The following MAPRE2 variants were observed in gnomAD, a reference collection of about 807,000 sequenced individuals.
MAPRE2 encodes microtubule-associated protein RP/EB family member 2.
A neutral mutation model predicts 43.2 loss-of-function variants in MAPRE2; 13 were observed. The ratio of observed to expected loss-of-function variants is 0.30; its 90% CI spans 0.20 to 0.48. MAPRE2 has a LOEUF of 0.48. Among genes scored for constraint, MAPRE2 ranks in the 20% least tolerant of loss-of-function variants. The pLI, the probability that MAPRE2 is intolerant of heterozygous loss-of-function variation, is 0.99. For missense variants in MAPRE2, 161 were observed against 400.2 expected (o/e 0.40, Z 5.10); for synonymous variants, 135 against 148.8 (o/e 0.91, Z 0.68).
chr18:35,076,140 C>T (rs543639), intron 2 of MAPRE2, among the ~76,000 whole-genome samples: 40,611 of 152,082 alleles, frequency 0.27, 6,818 homozygotes, highest in East Asian at 0.52. Context: ...GCCACATCTT[C>T]GTTTATGTCC....
At chr18:35,090,454 G>T (rs565610826) in intron 2 of MAPRE2, among the ~76,000 whole-genome samples, 1 of 152,096 alleles carries the variant, frequency 6.6e-6, no homozygotes, top group Non-Finnish European at 1.5e-5. Flanking sequence ...ACTCAGGGCC[G>T]GGCATGGTGG....
intron 2 of MAPRE2, among the ~76,000 whole-genome samples, chr18:35,093,684 A>T (rs889704520): frequency 6.6e-6 from 1 of 152,254 alleles, no homozygotes; most frequent in East Asian, 1.9e-4. Flanking sequence ...CAAATACTGC[A>T]TGATCTTCCT....
chr18:35,133,250 T>G (rs924607990), intron 6 of MAPRE2, among the ~76,000 whole-genome samples: 1 of 152,182 alleles, frequency 6.6e-6, no homozygotes, highest in Non-Finnish European at 1.5e-5. Context: ...TGGAAGCTCT[T>G]TATCACTTTT....
intron 2 of MAPRE2, among the ~76,000 whole-genome samples, chr18:35,089,608 C>T (rs886665872): frequency 2.0e-5 from 3 of 152,152 alleles, no homozygotes; most frequent in African/African-American, 7.2e-5. Context: ...AGTGACATAC[C>T]ACTTCACATC....
intron 2 of MAPRE2, among the ~76,000 whole-genome samples, chr18:35,032,495 T>A (rs772517686): frequency 6.6e-6 from 1 of 152,156 alleles, no homozygotes; most frequent in Non-Finnish European, 1.5e-5. Context: ...ATGAACCATA[T>A]GTGTTGGAGA....
chr18:35,113,491 A>G (rs1044639722), intron 4 of MAPRE2, among the ~76,000 whole-genome samples: 33 of 152,218 alleles, frequency 2.2e-4, no homozygotes, highest in African/African-American at 7.7e-4. Context: ...AGTGTTTTAA[A>G]GCTTAGAGAT....
At chr18:35,026,217 T>C (rs2097045091) in intron 2 of MAPRE2, among the ~76,000 whole-genome samples, 1 of 152,152 alleles carries the variant, frequency 6.6e-6, no homozygotes, top group Non-Finnish European at 1.5e-5. Flanking sequence ...ACAGGTATGA[T>C]GTCTGAATCA....
chr18:35,077,319 G>A (rs1907418875), intron 2 of MAPRE2, among the ~76,000 whole-genome samples: 1 of 151,930 alleles, frequency 6.6e-6, no homozygotes, highest in Non-Finnish European at 1.5e-5. Context: ...CCATTAGTGG[G>A]AATCTCATAT....
At chr18:35,071,372 C>A (rs575775545) in intron 2 of MAPRE2, among the ~76,000 whole-genome samples, 41 of 152,186 alleles carry the variant, frequency 2.7e-4, no homozygotes, top group Non-Finnish European at 5.3e-4. Context: ...CACAGTGAGA[C>A]CCTGTCTCTA....
At chr18:35,082,840 GTATC>G (rs1047797992) in intron 2 of MAPRE2, among the ~76,000 whole-genome samples, 1 of 151,924 alleles carries the variant, frequency 6.6e-6, no homozygotes, top group African/African-American at 2.4e-5. Context: ...TAATATTTAT[GTATC>G]TATATTTATA....
chr18:35,052,440 A>G (rs1189581072), intron 1 of MAPRE2, among the ~76,000 whole-genome samples: 4 of 152,218 alleles, frequency 2.6e-5, no homozygotes, highest in African/African-American at 7.2e-5. Flanking sequence ...TTGTATGGCT[A>G]TACCATATTT....
intron 2 of MAPRE2, among the ~76,000 whole-genome samples, chr18:35,014,518 T>A (rs1192488098): frequency 2.0e-5 from 3 of 152,106 alleles, no homozygotes; most frequent in Admixed American, 1.3e-4. Context: ...ACACATTTAT[T>A]TTTAAATGGA....
chr18:35,041,253 G>T, upstream of MAPRE2: 1 of 1,240,266 alleles, frequency 8.1e-7, no homozygotes, highest in Non-Finnish European at 1.0e-6. Flanking sequence ...AGCTGCTGGC[G>T]TGGTCACGCC....
chr18:35,040,027 A>G (rs912741142), upstream of MAPRE2, among the ~76,000 whole-genome samples: 1 of 152,152 alleles, frequency 6.6e-6, no homozygotes, highest in Non-Finnish European at 1.5e-5. Context: ...AACTCGGTGA[A>G]ACCCTGTCTC....
chr18:35,105,264 G>A (rs1908851576), intron 4 of MAPRE2, among the ~76,000 whole-genome samples: 1 of 152,088 alleles, frequency 6.6e-6, no homozygotes, highest in African/African-American at 2.4e-5. Context: ...TGTTCTGGAA[G>A]GCAGTAATTT....
intron 1 of MAPRE2, among the ~76,000 whole-genome samples, chr18:35,048,357 T>C (rs1222981348): frequency 2.6e-5 from 4 of 152,054 alleles, no homozygotes; most frequent in Non-Finnish European, 5.9e-5. Context: ...ACACAAGATT[T>C]AGAGGGGACA....
At chr18:35,058,598 T>C (rs926113012) in intron 1 of MAPRE2, among the ~76,000 whole-genome samples, 1 of 152,228 alleles carries the variant, frequency 6.6e-6, no homozygotes, top group Non-Finnish European at 1.5e-5. Flanking sequence ...CACGATGTGA[T>C]GACTCCTACG....
At chr18:34,991,708 C>T (rs1349070601) in intron 1 of MAPRE2, among the ~76,000 whole-genome samples, 1 of 152,082 alleles carries the variant, frequency 6.6e-6, no homozygotes, top group Non-Finnish European at 1.5e-5. Flanking sequence ...TGTGATGATG[C>T]TATTCATGGT....
At chr18:35,090,700 C>G (rs1241952452) in intron 2 of MAPRE2, among the ~76,000 whole-genome samples, 2 of 145,060 alleles carry the variant, frequency 1.4e-5, no homozygotes, top group African/African-American at 5.1e-5. Flanking sequence ...CCACTGCACT[C>G]CAGCCTGGGA....
Sources: allele counts gnomAD v4.1 joint callset (sites outside exome capture counted in the v4.1 genomes callset), GRCh38; gene constraint gnomAD v4.1.1; transcripts MANE v1.5; gene names NCBI Gene and HGNC (gene_info 2026-07-23, HGNC 2026-07-21).